SHD: variants seen among roughly 807,000 people sequenced by gnomAD.
SHD encodes Src homology 2 domain containing transforming protein D.
A neutral mutation model predicts 31.2 loss-of-function variants in SHD; 29 were observed. That is an observed-to-expected ratio of 0.93 (90% CI 0.69 to 1.27). The LOEUF is 1.27. Ranked by LOEUF, SHD falls within the 50% of genes most tolerant of loss-of-function variation. The probability of loss-of-function intolerance (pLI) is 0.00; values close to 1 mark genes in which losing one functional copy is unlikely to be tolerated. For synonymous variants in SHD, 208 were observed against 187.8 expected (o/e 1.11, Z -0.88); for missense variants, 520 against 453.8 (o/e 1.15, Z -1.33).
rs749852704 is a variant in SHD, at chr19:4,290,676, G to A, written c.*43G>A. 5.1e-5 allele frequency: 78 copies of A among 1,530,302 alleles called. No individual in the cohort carries two copies. The East Asian group carries it at 1.3e-3, about 26-fold the overall frequency. 94.8% of individuals were successfully genotyped at this position (1,530,302 alleles called of 1,614,324 possible). A position where few individuals can be genotyped will look rare whatever the true frequency, so the allele number is the denominator to read the frequency against. On this transcript the variant is annotated 3_prime_UTR_variant, in exon 6 of 6. Transcript: ENST00000543264. ...CTTTTGAGTCCTCGGGCCCAGAATC[G>A]TATCCCAAAGCCCTCCCATGGCCTA...
At chr19:4,290,404 G>C in intron 5 of SHD, 43 bp from the exon 6 acceptor site, 1 of 1,562,778 alleles carries the variant, frequency 6.4e-7, no homozygotes, top group South Asian at 1.2e-5. Context: ...CTTTCTGGGT[G>C]GGTCCGGGAT....
In SHD at chr19:4,279,796, T is replaced by A; in HGVS notation, c.-268T>A. 4.1e-6 allele frequency: 2 copies of A among 484,686 alleles called. No individual in the cohort carries two copies. The highest frequency in any genetic ancestry group is 6.3e-5 in the South Asian group (2 of 31,994). The allele number at this position is 484,686 out of a possible 1,614,324, so 30.0% of individuals were successfully genotyped here. A position where few individuals can be genotyped will look rare whatever the true frequency, so the allele number is the denominator to read the frequency against. ...GCGCGGGGTTCGGGGCCCTGCGAGG[T>A]CCCCCCTTCCCCCGCGGTGCTTCCC... On this transcript the variant is annotated 5_prime_UTR_variant, in exon 1 of 6. Transcript: ENST00000543264. This position sits in a 1 kb window ranked among gnomAD's most constrained non-coding sequence, Gnocchi z 7.5.
Position 4,280,292 on chromosome 19 carries a change from C to G in SHD, c.229C>G (p.Arg77Gly). 2.5e-6 allele frequency: 4 copies of G among 1,611,026 alleles called. No individual in the cohort carries two copies. The highest frequency in any genetic ancestry group is 3.4e-6 in the Non-Finnish European group (4 of 1,178,866). The change falls in exon 1 of 6, where the codon CGG becomes GGG. Residue 77 changes from arginine to glycine, a missense_variant. By Grantham distance (125) the Arg-to-Gly change is moderately radical. Coordinates refer to ENST00000543264, the MANE Select transcript of SHD (RefSeq NM_020209.4). ...TGCCAAGTATGGTTCTCCCAAGCAC[C>G]GGCTCATCAAGGTGGAGGCTGCGGA... is the stretch of plus-strand genomic sequence containing the variant. ...GDAKYGSPKHRLIKVEAADMA... is the reference protein window; with the variant it reads ...GDAKYGSPKHGLIKVEAADMA...
At chr19:4,284,729 C>G in intron 3 of SHD, 52 bp from the exon 4 acceptor site, 1 of 1,438,302 alleles carries the variant, frequency 7.0e-7, no homozygotes, top group South Asian at 1.6e-5. Flanking sequence ...CCCTGCCCCG[C>G]CCCCCAAGGT....
chr19:4,290,033 G>A (rs1193022439), intron 5 of SHD, among the ~76,000 whole-genome samples: 1 of 151,552 alleles, frequency 6.6e-6, no homozygotes, highest in Non-Finnish European at 1.5e-5. Context: ...CCGCCACCAC[G>A]CCCGGCTAAT....
intron 1 of SHD, among the ~76,000 whole-genome samples, chr19:4,280,773 C>T (rs566332077): frequency 1.6e-4 from 24 of 152,190 alleles, no homozygotes; most frequent in Admixed American, 1.3e-3. Flanking sequence ...GTGATCCTCC[C>T]GCCTCTGCCT....
In SHD at chr19:4,279,962, C is replaced by T. The variant is rs1971239005; in HGVS notation, c.-102C>T. 2.9e-6 allele frequency: 4 copies of T among 1,361,448 alleles called. No individual in the cohort carries two copies. Among genetic ancestry groups the T allele is most frequent in the Non-Finnish European group, 3.9e-6 (4 of 1,015,506 alleles). The allele number at this position is 1,361,448 out of a possible 1,614,324, so 84.3% of individuals were successfully genotyped here. On this transcript the variant is annotated 5_prime_UTR_variant, in exon 1 of 6. Coordinates refer to ENST00000543264, the MANE Select transcript of SHD (RefSeq NM_020209.4). This position sits in a 1 kb window ranked among gnomAD's most constrained non-coding sequence, Gnocchi z 7.5. ...ATCTTTCTCATCCTTCCCTGCTCTT[C>T]CCTTCCTCTCCACCTCCTCCTCCTC...
intron 5 of SHD, among the ~76,000 whole-genome samples, chr19:4,289,431 A>G (rs1298248704): frequency 6.6e-6 from 1 of 151,698 alleles, no homozygotes; most frequent in Non-Finnish European, 1.5e-5. Context: ...TTCTTAGTAC[A>G]GACAGGGTTT....
At chr19:4,287,835 C>T (rs1269055902) in intron 4 of SHD, among the ~76,000 whole-genome samples, 2 of 151,984 alleles carry the variant, frequency 1.3e-5, no homozygotes, top group African/African-American at 2.4e-5. Flanking sequence ...TTCATTTGCC[C>T]AGATGCCACA....
chr19:4,286,279 CTTTTTTTCT>C (rs1568369469), intron 4 of SHD, among the ~76,000 whole-genome samples: 2,133 of 115,734 alleles, frequency 0.018, 58 homozygotes, highest in Non-Finnish European at 0.026. Flanking sequence ...TTCTTTCTTT[CTTTTTTTCT>C]TTCCTTCCTT....
chr19:4,284,907 G>A lies in SHD; in HGVS notation c.716+3G>A. Reference sequence around the variant, plus strand: ...GCCCTGCCCCTGGAGAAACAGCCGTGAGTGGGGAAGCTGAAGGTGGAAGAG... The same window carrying A: ...GCCCTGCCCCTGGAGAAACAGCCGTAAGTGGGGAAGCTGAAGGTGGAAGAG... On this transcript the variant is annotated splice_donor_region_variant and intron_variant, in intron 4 of 5. Coordinates refer to ENST00000543264, the MANE Select transcript of SHD (RefSeq NM_020209.4). 1 of 1,588,500 alleles carries A rather than the reference G, an allele frequency of 6.3e-7. No homozygotes were observed. The highest frequency in any genetic ancestry group is 1.1e-5 in the South Asian group (1 of 89,350).
intron 4 of SHD, among the ~76,000 whole-genome samples, chr19:4,285,936 G>A (rs572215185): frequency 2.4e-4 from 30 of 122,802 alleles, no homozygotes; most frequent in African/African-American, 8.7e-4. Context: ...TTGTCGCCCA[G>A]GCTGGAGTGC....
At chr19:4,288,400 A>G in intron 5 of SHD, 38 bp downstream of exon 5, 3 of 1,569,454 alleles carry the variant, frequency 1.9e-6, no homozygotes, top group Non-Finnish European at 2.6e-6. Flanking sequence ...GGGTCACAGG[A>G]TTGCGTGAGT....
At chr19:4,285,573 CG>C (rs1971300389) in intron 4 of SHD, among the ~76,000 whole-genome samples, 2 of 151,436 alleles carry the variant, frequency 1.3e-5, no homozygotes, top group Admixed American at 1.3e-4. Flanking sequence ...CCTCCCTCCC[CG>C]AGTCTTGCTG....
chr19:4,289,091 C>T (rs893071369), intron 5 of SHD, among the ~76,000 whole-genome samples: 10 of 150,318 alleles, frequency 6.7e-5, no homozygotes, highest in South Asian at 2.1e-4. Context: ...CGCATACCAC[C>T]GTGCCCAGCT....
intron 4 of SHD, among the ~76,000 whole-genome samples, chr19:4,286,208 TTC>T (rs1458534685): frequency 6.6e-5 from 7 of 105,584 alleles, no homozygotes; most frequent in Non-Finnish European, 1.3e-4. Context: ...TTCTTTTTCT[TTC>T]TTTCTTTCTT....
chr19:4,290,197 G>A (rs575837597), intron 5 of SHD, among the ~76,000 whole-genome samples: 1 of 152,140 alleles, frequency 6.6e-6, no homozygotes, highest in African/African-American at 2.4e-5. Flanking sequence ...GTTTTTTGGT[G>A]GAGACGGGGT....
At chr19:4,287,783 CA>C (rs755522331) in intron 4 of SHD, among the ~76,000 whole-genome samples, 1 of 149,356 alleles carries the variant, frequency 6.7e-6, no homozygotes, top group African/African-American at 2.5e-5. Context: ...GACTCTGTCT[CA>C]AAAAAAAAGA....
chr19:4,289,553 A>C (rs1971355041), intron 5 of SHD, among the ~76,000 whole-genome samples: 1 of 147,002 alleles, frequency 6.8e-6, no homozygotes, highest in Non-Finnish European at 1.5e-5. Context: ...GCCTCTTATT[A>C]TTATTATTAT....
Sources: gnomAD v4.1 joint callset for allele counts (sites outside exome capture counted in the v4.1 genomes callset) on GRCh38, gnomAD v4.1.1 for gene constraint, Gnocchi (gnomAD v3.1) non-coding constraint, MANE v1.5 for transcripts, NCBI Gene and HGNC (gene_info 2026-07-23, HGNC 2026-07-21) for gene names.